CPPED1: variants seen among roughly 807,000 people sequenced by gnomAD.
The protein encoded by CPPED1 is calcineurin like phosphoesterase domain containing 1, also known as serine/threonine-protein phosphatase CPPED1.
In CPPED1, 28 loss-of-function variants were observed where a neutral mutation model predicts 28.0. The observed-to-expected ratio is 1.00, with a 90% confidence interval of 0.74 to 1.37. CPPED1 has a LOEUF of 1.37. Among genes scored for constraint, CPPED1 ranks in the 40% most tolerant of loss-of-function variants. The pLI is 0.00. For missense variants in CPPED1, 504 were observed against 416.5 expected (o/e 1.21, Z -1.83); for synonymous variants, 198 against 180.2 (o/e 1.10, Z -0.79).
intron 2 of CPPED1, among the ~76,000 whole-genome samples, chr16:12,780,437 A>G (rs149816257): frequency 0.023 from 3,557 of 152,156 alleles, 79 homozygotes; most frequent in East Asian, 0.11. Flanking sequence ...CAGCCTCCCA[A>G]AGTGCTGGGA....
At chr16:12,674,889 G>A (rs2079870396) in intron 3 of CPPED1, among the ~76,000 whole-genome samples, 1 of 152,126 alleles carries the variant, frequency 6.6e-6, no homozygotes, top group African/African-American at 2.4e-5. Context: ...GGTCTGGGGG[G>A]GAGCATGGGT....
At chr16:12,729,407 T>A (rs1049639653) in intron 2 of CPPED1, among the ~76,000 whole-genome samples, 1 of 152,172 alleles carries the variant, frequency 6.6e-6, no homozygotes, top group Non-Finnish European at 1.5e-5. Flanking sequence ...TATACAAAGA[T>A]TTTTGCAAAC....
intron 1 of CPPED1, among the ~76,000 whole-genome samples, chr16:12,789,867 T>C (rs181644499): frequency 2.0e-5 from 3 of 152,146 alleles, no homozygotes; most frequent in Non-Finnish European, 4.4e-5. Flanking sequence ...AAAATTAACT[T>C]TGAAACACTT....
intron 2 of CPPED1, among the ~76,000 whole-genome samples, chr16:12,720,152 G>A (rs1166924500): frequency 6.6e-6 from 1 of 152,186 alleles, no homozygotes; most frequent in Non-Finnish European, 1.5e-5. Context: ...CTTCCCGAGA[G>A]AGATACGCTC....
chr16:12,700,952 A>T (rs546504894), intron 3 of CPPED1, among the ~76,000 whole-genome samples: 9 of 152,166 alleles, frequency 5.9e-5, no homozygotes, highest in African/African-American at 2.2e-4. Flanking sequence ...GGGAGGCGGG[A>T]TGTGGTGTCT....
intron 3 of CPPED1, 143 bp downstream of exon 3, chr16:12,704,481 G>C (rs1185351430): frequency 3.7e-6 from 3 of 800,190 alleles, no homozygotes; most frequent in African/African-American, 3.4e-5. Flanking sequence ...CATGCAGTCT[G>C]CAAGTCCAAG....
intron 3 of CPPED1, among the ~76,000 whole-genome samples, chr16:12,688,613 A>G (rs543416040): frequency 6.6e-6 from 1 of 152,210 alleles, no homozygotes; most frequent in East Asian, 1.9e-4. Flanking sequence ...CTGGGATTAC[A>G]GGCCTGATTC....
chr16:12,793,942 G>T (rs1167618685), intron 1 of CPPED1, among the ~76,000 whole-genome samples: 2 of 152,180 alleles, frequency 1.3e-5, no homozygotes, highest in African/African-American at 4.8e-5. Context: ...TGCAATTTTT[G>T]CAGTTTCTCA....
At chr16:12,791,186 G>T (rs1047853814) in intron 1 of CPPED1, among the ~76,000 whole-genome samples, 1 of 151,978 alleles carries the variant, frequency 6.6e-6, no homozygotes, top group African/African-American at 2.4e-5. Flanking sequence ...GCATGCATTA[G>T]GTATTTGTCC....
At chr16:12,675,780 C>T (rs371939044) in intron 3 of CPPED1, among the ~76,000 whole-genome samples, 4 of 152,192 alleles carry the variant, frequency 2.6e-5, no homozygotes, top group East Asian at 3.8e-4. Context: ...CAAACCATCA[C>T]TCACACTGAA....
Position 12,682,808 on chromosome 16 carries a change from T to A in CPPED1, c.716-17693A>T, listed in dbSNP as rs896988108. On this transcript the variant is annotated intron_variant, in intron 3 of 3. Coordinates refer to ENST00000381774, the MANE Select transcript of CPPED1 (RefSeq NM_018340.3). This position sits in a 1 kb window ranked among gnomAD's most constrained non-coding sequence, Gnocchi z 6.1. The stretch of plus-strand genomic sequence containing the variant: ...TACATCTTTCTCACTATTCATAATT[T>A]CCTCTTTATTTTTAAAAGAAGATGG... Among the ~76,000 whole-genome samples, 1 of 152,262 alleles carries A rather than the reference T, an allele frequency of 6.6e-6. No individual in the cohort carries two copies. The highest frequency in any genetic ancestry group is 1.5e-5 in the Non-Finnish European group (1 of 68,048).
chr16:12,718,471 C>G (rs971036018), intron 2 of CPPED1, among the ~76,000 whole-genome samples: 3 of 144,502 alleles, frequency 2.1e-5, no homozygotes, highest in Non-Finnish European at 4.5e-5. Flanking sequence ...CCTGGGAGGC[C>G]GAGGTTGTAG....
At chr16:12,765,292 T>C (rs993108176) in intron 2 of CPPED1, among the ~76,000 whole-genome samples, 3 of 152,234 alleles carry the variant, frequency 2.0e-5, no homozygotes, top group Non-Finnish European at 4.4e-5. Context: ...CTTCATCACG[T>C]TCTACCAGTT....
chr16:12,752,742 G>A (rs2080338359), intron 2 of CPPED1, among the ~76,000 whole-genome samples: 1 of 146,900 alleles, frequency 6.8e-6, no homozygotes, highest in African/African-American at 2.5e-5. Context: ...AACTGCACCA[G>A]AATAAAATAA....
chr16:12,802,522 A>G (rs2080666793), intron 1 of CPPED1, among the ~76,000 whole-genome samples: 1 of 151,960 alleles, frequency 6.6e-6, no homozygotes, highest in Non-Finnish European at 1.5e-5. Context: ...AATCGCTTGA[A>G]CCCGGGAGGC....
chr16:12,786,285 T>C (rs1446299812), intron 1 of CPPED1, among the ~76,000 whole-genome samples: 2 of 152,160 alleles, frequency 1.3e-5, no homozygotes, highest in Non-Finnish European at 2.9e-5. Context: ...GGGTGACCTA[T>C]GCGCACATCC....
intron 2 of CPPED1, among the ~76,000 whole-genome samples, chr16:12,775,829 A>G (rs2080494490): frequency 6.6e-6 from 1 of 152,182 alleles, no homozygotes; most frequent in Non-Finnish European, 1.5e-5. Context: ...TTCCCCATCA[A>G]TTAAAATGGA....
intron 2 of CPPED1, among the ~76,000 whole-genome samples, chr16:12,757,261 C>A (rs1163211828): frequency 6.6e-6 from 1 of 152,134 alleles, no homozygotes; most frequent in Non-Finnish European, 1.5e-5. Flanking sequence ...AAAACCAGAA[C>A]AGTCCTGGGC....
chr16:12,664,530 G>T lies in CPPED1; in HGVS notation c.*356C>A. On this transcript the variant is annotated 3_prime_UTR_variant, in exon 4 of 4. Coordinates refer to ENST00000381774, the MANE Select transcript of CPPED1 (RefSeq NM_018340.3). The surrounding 1 kb of genome is among the most constrained non-coding windows in gnomAD (Gnocchi z 4.2). ...AAAGATCATACTTGGCTGTCAGATT[G>T]GAATTGAGGTCGATAGGCAGACTTT... is the stretch of plus-strand genomic sequence containing the variant. 4 of 1,074,134 alleles carry T rather than the reference G, an allele frequency of 3.7e-6. No homozygotes were observed. The highest frequency in any genetic ancestry group is 4.5e-6 in the Non-Finnish European group (4 of 886,840). 66.5% of individuals were successfully genotyped at this position (1,074,134 alleles called of 1,614,324 possible).
Sources: allele counts gnomAD v4.1 joint callset (sites outside exome capture counted in the v4.1 genomes callset), GRCh38; gene constraint gnomAD v4.1.1; non-coding constraint Gnocchi (gnomAD v3.1); transcripts MANE v1.5; gene names NCBI Gene and HGNC (gene_info 2026-07-23, HGNC 2026-07-21).